The following RBM5 variants were observed in gnomAD, a reference collection of about 807,000 sequenced individuals.
RBM5 encodes the protein RNA-binding protein 5.
A neutral mutation model predicts 124.6 loss-of-function variants in RBM5; 15 were observed. That is an observed-to-expected ratio of 0.12 (90% CI 0.08 to 0.19). The LOEUF (loss-of-function observed/expected upper bound fraction) is 0.19. Ranked by LOEUF, RBM5 falls within the 10% of genes least tolerant of loss-of-function variation. RBM5 has a pLI of 1.00. For missense variants in RBM5, 580 were observed against 1,026.5 expected, an observed-to-expected ratio of 0.57 and a Z score of 5.94; for synonymous variants, 337 against 361.2, an observed-to-expected ratio of 0.93 and a Z score of 0.76.
At position 50,092,060 on chromosome 3, in the gene RBM5, G is replaced by A. The variant is rs1162900396; in HGVS notation, c.35G>A (p.Arg12His). 1.9e-6 allele frequency: 3 copies of A among 1,614,092 alleles called. No homozygotes were observed. The highest frequency in any genetic ancestry group is 1.7e-6 in the Non-Finnish European group (2 of 1,179,996). ...CCTGGCAGAGTGAGTAGAACAGAGC[G>A]TAGTGGAAGATACGGTTCCATCATA... ...GSDKRVSRTE[R>H]SGRYGSIIDR... Residue 12 changes from arginine to histidine, a missense_variant, in exon 3 of 25, where the codon CGT (arginine) becomes CAT (histidine). Around this residue, in one of 6 missense-constraint regions of RBM5, gnomAD observed 99 missense variants for 121.1 expected, o/e 0.82. Coordinates refer to ENST00000347869, the MANE Select transcript of RBM5 (RefSeq NM_005778.4).
chr3:50,101,618 A>C (rs2090941679), intron 6 of RBM5: 1 of 152,224 alleles, frequency 6.6e-6, no homozygotes, highest in Non-Finnish European at 1.5e-5. Context: ...GTAAATCCAG[A>C]ACATATACAA....
At chr3:50,110,235 A>G in intron 15 of RBM5, 144 bp from the exon 16 acceptor site, 1 of 673,712 alleles carries the variant, frequency 1.5e-6, no homozygotes, top group Non-Finnish European at 2.5e-6. Context: ...AAAGTTGTCA[A>G]CATGTGTTTT....
intron 9 of RBM5, 46 bp from the exon 10 acceptor site, chr3:50,105,502 TG>T: frequency 6.3e-7 from 1 of 1,586,970 alleles, no homozygotes; most frequent in Non-Finnish European, 8.6e-7. Context: ...TTTGGTACAT[TG>T]GTGGTGGGAA....
intron 14 of RBM5, among the ~76,000 whole-genome samples, chr3:50,109,031 T>C (rs1215910962): frequency 6.6e-6 from 1 of 152,214 alleles, no homozygotes; most frequent in Non-Finnish European, 1.5e-5. Context: ...AGTTAAATCT[T>C]TCTCAACCCC....
At chr3:50,091,323 C>T (rs1298939790) in intron 2 of RBM5, among the ~76,000 whole-genome samples, 1 of 152,068 alleles carries the variant, frequency 6.6e-6, no homozygotes, top group Non-Finnish European at 1.5e-5. Flanking sequence ...TTTCCTTTGC[C>T]TTATGATTGC....
Position 50,110,362 on chromosome 3 carries a change from G to C in RBM5, c.1279-17G>C. The C allele has an allele frequency of 6.2e-7, 1 of 1,610,724 alleles. No homozygotes were observed. Among genetic ancestry groups the C allele is most frequent in the Non-Finnish European group, 8.5e-7 (1 of 1,177,206 alleles). ...GCTTTACAGTTGAAATTATATTGAAGCTGCTGTTCTTTCCAGACTGAGGAA... is the reference window on the plus strand; with the variant it reads ...GCTTTACAGTTGAAATTATATTGAACCTGCTGTTCTTTCCAGACTGAGGAA... On this transcript the variant is annotated splice_polypyrimidine_tract_variant and intron_variant, in intron 15 of 24. Coordinates refer to ENST00000347869, the MANE Select transcript of RBM5 (RefSeq NM_005778.4).
chr3:50,100,088 T>G lies in RBM5; in HGVS notation c.409+37T>G. ...CTTAGTTCCTGATATTATTGTTCTC[T>G]TCCCCATTCCCACCTCAGTCCCTAA... On this transcript the variant is annotated intron_variant, in intron 5 of 24. Coordinates refer to ENST00000347869, the MANE Select transcript of RBM5 (RefSeq NM_005778.4). This position sits in a 1 kb window ranked among gnomAD's most constrained non-coding sequence, Gnocchi z 5.1. 4 of 1,570,580 alleles carry G rather than the reference T, an allele frequency of 2.5e-6. No individual in the cohort carries two copies. Among genetic ancestry groups the G allele is most frequent in the Non-Finnish European group, 3.5e-6 (4 of 1,144,228 alleles).
chr3:50,109,488 A>T, intron 14 of RBM5, 115 bp from the exon 15 acceptor site: 1 of 781,486 alleles, frequency 1.3e-6, no homozygotes, highest in East Asian at 2.5e-5. Context: ...AAGTTAGCTT[A>T]TGAAGAACTG....
At chr3:50,108,416 G>A in intron 14 of RBM5, 112 bp downstream of exon 14, 1 of 1,126,276 alleles carries the variant, frequency 8.9e-7, no homozygotes, top group East Asian at 2.4e-5. Context: ...CTGTAAGATT[G>A]TAGGGGGCAT....
intron 7 of RBM5, among the ~76,000 whole-genome samples, chr3:50,103,695 T>G (rs1211153721): frequency 6.6e-6 from 1 of 152,092 alleles, no homozygotes; most frequent in African/African-American, 2.4e-5. Context: ...AGCCCAGTGA[T>G]TAAGATTTTA....
At chr3:50,110,791 C>T (rs766410508) in intron 17 of RBM5, 21 bp downstream of exon 17, 1 of 1,558,950 alleles carries the variant, frequency 6.4e-7, no homozygotes, top group South Asian at 1.1e-5. Flanking sequence ...TGCTTTCCTC[C>T]TCAATTTCAC....
In RBM5 at chr3:50,115,918, A is replaced by G. The variant is rs766983855; in HGVS notation, c.2032A>G (p.Ile678Val). ...LSDLHKQNMD[I>V]YRRSRLSEQE... ...ATCTTTTGTGTAGCAAAACATGGACATCTATCGACGATCCAGGCTGAGCGA... is the reference window on the plus strand; with the variant it reads ...ATCTTTTGTGTAGCAAAACATGGACGTCTATCGACGATCCAGGCTGAGCGA... The change falls in exon 22 of 25, where the codon ATC (isoleucine) becomes GTC (valine). Residue 678 changes from isoleucine to valine, a missense_variant. Around this residue, in one of 6 missense-constraint regions of RBM5, gnomAD observed 234 missense variants for 435.1 expected, o/e 0.54. Coordinates refer to ENST00000347869, the MANE Select transcript of RBM5 (RefSeq NM_005778.4). 2.5e-6 allele frequency: 4 copies of G among 1,613,218 alleles called. No individual in the cohort carries two copies. Among genetic ancestry groups the G allele is most frequent in the African/African-American group, 2.7e-5 (2 of 74,902 alleles).
At chr3:50,109,420 C>G (rs1400437312) in intron 14 of RBM5, among the ~76,000 whole-genome samples, 183 bp from the exon 15 acceptor site, 1 of 152,164 alleles carries the variant, frequency 6.6e-6, no homozygotes, top group African/African-American at 2.4e-5. Flanking sequence ...CTTTGTATAT[C>G]ACATCTAGTA....
intron 13 of RBM5, 41 bp downstream of exon 13, chr3:50,108,188 AGT>A: frequency 6.2e-7 from 1 of 1,601,182 alleles, no homozygotes; most frequent in Non-Finnish European, 8.6e-7. Context: ...AGTCTTGCAG[AGT>A]GTGTCTGAGA....
intron 20 of RBM5, chr3:50,114,862 TA>T (rs1203898581): frequency 2.1e-3 from 274 of 131,888 alleles, no homozygotes; most frequent in Middle Eastern, 4.3e-3. Context: ...CTGTCTCATT[TA>T]AAAAAAAAAA....
chr3:50,105,712 G>A lies in RBM5; in HGVS notation c.855+3G>A. The A allele has an allele frequency of 6.2e-7, 1 of 1,613,480 alleles. No homozygotes were observed. The highest frequency in any genetic ancestry group is 8.5e-7 in the Non-Finnish European group (1 of 1,179,734). ...TTGTGCAGCTGTCCTCTGCAATGGT[G>A]AGGTTCTCATCGATTCTTTCCTTTT... On this transcript the variant is annotated splice_donor_region_variant and intron_variant, in intron 10 of 24. Transcript: ENST00000347869.
chr3:50,107,712 G>GT (rs1205914695), intron 12 of RBM5, 143 bp downstream of exon 12: 1 of 391,684 alleles, frequency 2.6e-6, no homozygotes, highest in African/African-American at 3.1e-5. Context: ...TTGAGACAGA[G>GT]TATCACTCTC....
Position 50,092,943 on chromosome 3 carries a change from C to CTTTT in RBM5, c.184-752_184-749dup, listed in dbSNP as rs530934301. ...TGTTGTTTTGGTCATCTTGATATAT[C>CTTTT]TTTTTTTTTTTTTTTTTTTTTTTTT... On this transcript the variant is annotated intron_variant, in intron 3 of 24. Transcript: ENST00000347869. 46 of 79,216 alleles carry CTTTT rather than the reference C, an allele frequency of 5.8e-4. 1 individual carries two copies. Among genetic ancestry groups the CTTTT allele is most frequent in the African/African-American group, 6.8e-4 (9 of 13,140 alleles). The allele number at this position is 79,216 out of a possible 1,614,324, so 4.9% of individuals were successfully genotyped here. A position where few individuals can be genotyped will look rare whatever the true frequency, so the allele number is the denominator to read the frequency against.
Position 50,108,249 on chromosome 3 carries a change from G to A in RBM5, c.1137G>A (p.Gln379=), listed in dbSNP as rs2091075758. The part of the protein sequence containing the change: ...AQYAQYSQDY[Q]QFYQQQAGGL... ...TTCTTCAGTATTCACAGGATTATCA[G>A]CAGTTTTATCAACAACAAGCTGGAG... Residue 379 remains glutamine (Q), a synonymous_variant, in exon 14 of 25, where the codon CAG becomes CAA. Coordinates refer to ENST00000347869, the MANE Select transcript of RBM5 (RefSeq NM_005778.4). 1.2e-6 allele frequency: 2 copies of A among 1,613,168 alleles called. No homozygotes were observed. The highest frequency in any genetic ancestry group is 1.7e-6 in the Non-Finnish European group (2 of 1,179,274).
Sources: gnomAD v4.1 joint callset for allele counts (sites outside exome capture counted in the v4.1 genomes callset) on GRCh38, gnomAD v4.1.1 for gene constraint, gnomAD v4.1.1 regional missense constraint, Gnocchi (gnomAD v3.1) non-coding constraint, MANE v1.5 for transcripts, NCBI Gene and HGNC (gene_info 2026-07-23, HGNC 2026-07-21) for gene names.